The following HSF2 variants were observed in gnomAD, a reference collection of about 807,000 sequenced individuals.
The protein encoded by HSF2 is heat shock factor protein 2.
HSF2 carries 21 observed loss-of-function variants against 65.0 expected under a neutral mutation model. The observed-to-expected ratio is 0.32, with a 90% CI of 0.23 to 0.47. HSF2 has a LOEUF of 0.47. HSF2 is among the 20% of genes least tolerant of loss of function. HSF2 has a pLI of 1.00. For missense variants in HSF2, 499 were observed against 628.1 expected (o/e 0.79, Z 2.20); for synonymous variants, 225 against 219.1 (o/e 1.03, Z -0.24).
At chr6:122,420,074 G>A in intron 6 of HSF2, 61 bp from the exon 7 acceptor site, 1 of 1,525,786 alleles carries the variant, frequency 6.6e-7, no homozygotes. Context: ...TAAGTTAATA[G>A]AGGGAGTTTA....
chr6:122,432,408 G>A lies in HSF2; in HGVS notation c.*188G>A. On this transcript the variant is annotated 3_prime_UTR_variant, in exon 13 of 13. Coordinates refer to ENST00000368455, the MANE Select transcript of HSF2 (RefSeq NM_004506.4). ...CAGAGCTTTCAGGTGTTACTCAGCT[G>A]CATAGTTACGCAGATGTAATGCACA... 1.8e-6 allele frequency: 1 copy of A among 546,934 alleles called. No individual in the cohort carries two copies. The highest frequency in any genetic ancestry group is 3.2e-6 in the Non-Finnish European group (1 of 309,298). The allele number at this position is 546,934 out of a possible 1,614,324, so 33.9% of individuals were successfully genotyped here.
Position 122,412,838 on chromosome 6 carries a change from G to A in HSF2, c.330+74G>A, listed in dbSNP as rs142075842. 1.4e-5 allele frequency: 19 copies of A among 1,401,066 alleles called. No homozygotes were observed. In the African/African-American group the frequency reaches 2.0e-4, roughly 15 times the overall value. 86.8% of individuals were successfully genotyped at this position (1,401,066 alleles called of 1,614,324 possible). ...CTTGGCCAAGATTTTTATTTCAGCT[G>A]TTGAAAGTACAGAAATGCACAACTG... On this transcript the variant is annotated intron_variant, in intron 3 of 12. Coordinates refer to ENST00000368455, the MANE Select transcript of HSF2 (RefSeq NM_004506.4).
intron 1 of HSF2, among the ~76,000 whole-genome samples, chr6:122,401,568 C>T (rs946769718): frequency 1.3e-5 from 2 of 152,054 alleles, no homozygotes; most frequent in Non-Finnish European, 2.9e-5. Context: ...CGTACTGATC[C>T]GTAAATGCAT....
Position 122,432,388 on chromosome 6 carries a change from C to T in HSF2, c.*168C>T, listed in dbSNP as rs1774494838. The T allele has an allele frequency of 3.4e-6, 2 of 589,534 alleles. No homozygotes were observed. Among genetic ancestry groups the T allele is most frequent in the Non-Finnish European group, 3.0e-6 (1 of 336,196 alleles). 36.5% of individuals were successfully genotyped at this position (589,534 alleles called of 1,614,324 possible). On this transcript the variant is annotated 3_prime_UTR_variant, in exon 13 of 13. Coordinates refer to ENST00000368455, the MANE Select transcript of HSF2 (RefSeq NM_004506.4). Reference sequence around the variant, plus strand: ...TCACTAACCACACACTCTTGCAGAGCTTTCAGGTGTTACTCAGCTGCATAG... The same window carrying T: ...TCACTAACCACACACTCTTGCAGAGTTTTCAGGTGTTACTCAGCTGCATAG...
chr6:122,399,627 G>A (rs1773663542), upstream of HSF2: 4 of 866,300 alleles, frequency 4.6e-6, no homozygotes, highest in African/African-American at 5.1e-5. Flanking sequence ...CGGGGACCAA[G>A]ATCTGCTGCG....
intron 11 of HSF2, 83 bp downstream of exon 11, chr6:122,428,039 C>G (rs1774377090): frequency 1.3e-6 from 1 of 778,094 alleles, no homozygotes; most frequent in Non-Finnish European, 2.1e-6. Context: ...CAATGTCACT[C>G]CCAGCCACAA....
chr6:122,424,238 T>A (rs1774295879), intron 10 of HSF2, among the ~76,000 whole-genome samples: 1 of 152,124 alleles, frequency 6.6e-6, no homozygotes, highest in African/African-American at 2.4e-5. Flanking sequence ...ATCTACCGTT[T>A]CTGCCACTAA....
chr6:122,428,868 A>T (rs1774395183), intron 11 of HSF2, among the ~76,000 whole-genome samples: 1 of 152,052 alleles, frequency 6.6e-6, no homozygotes, highest in Non-Finnish European at 1.5e-5. Flanking sequence ...AAAATTTGTG[A>T]ATTTGTGAAA....
At chr6:122,425,592 G>T (rs1774321537) in intron 10 of HSF2, among the ~76,000 whole-genome samples, 1 of 151,996 alleles carries the variant, frequency 6.6e-6, no homozygotes, top group East Asian at 1.9e-4. Flanking sequence ...CTGTACAATA[G>T]AACTTTTATT....
In HSF2 at chr6:122,399,771, A is replaced by C; in HGVS notation, c.34A>C (p.Ser12Arg). ...GAGTTCGAACGTGCCGGCTTTCCTC[A>C]GCAAGCTGTGGACGCTTGTGGAGGA... ...KQSSNVPAFLSKLWTLVEETH... is the reference protein window; with the variant it reads ...KQSSNVPAFLRKLWTLVEETH... The change falls in exon 1 of 13, where the codon AGC becomes CGC. Residue 12 changes from serine (S) to arginine (R), a missense_variant. Ser to Arg is a moderately radical substitution (Grantham distance 110). This residue lies in a region of HSF2 where 150 missense variants were observed against 234.6 expected (regional missense o/e 0.64). Coordinates refer to ENST00000368455, the MANE Select transcript of HSF2 (RefSeq NM_004506.4). 2 of 1,612,594 alleles carry C rather than the reference A, an allele frequency of 1.2e-6. No individual in the cohort carries two copies. The highest frequency in any genetic ancestry group is 1.1e-5 in the South Asian group (1 of 90,850).
chr6:122,400,185 T>G (rs1229088950), intron 1 of HSF2, among the ~76,000 whole-genome samples: 1 of 152,048 alleles, frequency 6.6e-6, no homozygotes, highest in South Asian at 2.1e-4. Flanking sequence ...ACACTCATCC[T>G]CCGTCCTCCC....
chr6:122,422,270 A>G lies in HSF2; in HGVS notation c.802A>G (p.Asn268Asp). 1 of 1,599,336 alleles carries G rather than the reference A, an allele frequency of 6.3e-7. No homozygotes were observed. The highest frequency in any genetic ancestry group is 8.6e-7 in the Non-Finnish European group (1 of 1,167,472). ...EENIPVIPETNEDVISDPSNC... is the reference protein window; with the variant it reads ...EENIPVIPETDEDVISDPSNC... ...AAATATCCCAGTTATTCCAGAAACT[A>G]ATGAGGATGTTATATCTGATCCCTC... is the stretch of plus-strand genomic sequence containing the variant. Residue 268 changes from asparagine to aspartate, a missense_variant, in exon 8 of 13, where the codon AAT becomes GAT. Coordinates refer to ENST00000368455, the MANE Select transcript of HSF2 (RefSeq NM_004506.4).
intron 3 of HSF2, 30 bp from the exon 4 acceptor site, chr6:122,413,494 TC>T (rs1429305741): frequency 3.3e-6 from 5 of 1,496,690 alleles, no homozygotes; most frequent in Non-Finnish European, 4.6e-6. Flanking sequence ...GTTTACTGTT[TC>T]TTTGATTTTC....
intron 10 of HSF2, among the ~76,000 whole-genome samples, chr6:122,425,128 C>T (rs1774312837): frequency 6.6e-6 from 1 of 152,000 alleles, no homozygotes. Flanking sequence ...TAGAGATCTG[C>T]TCCATCTTAA....
intron 7 of HSF2, 160 bp downstream of exon 7, chr6:122,420,382 A>T: frequency 1.8e-6 from 1 of 564,100 alleles, no homozygotes; most frequent in Middle Eastern, 4.9e-4. Flanking sequence ...GCTTTAGATT[A>T]TTGTAAGAAA....
chr6:122,421,244 T>C (rs1029642393), intron 7 of HSF2, among the ~76,000 whole-genome samples: 10 of 152,080 alleles, frequency 6.6e-5, no homozygotes, highest in African/African-American at 2.4e-4. Context: ...CAGTCCAAAG[T>C]CCAGATCTTT....
intron 1 of HSF2, among the ~76,000 whole-genome samples, chr6:122,408,768 C>A (rs115987500): frequency 0.013 from 1,928 of 151,616 alleles, 47 homozygotes; most frequent in African/African-American, 0.045. Context: ...TCATGGCATT[C>A]TGGCTTTGTT....
chr6:122,416,368 CT>C, intron 5 of HSF2, 72 bp downstream of exon 5: 2 of 910,588 alleles, frequency 2.2e-6, no homozygotes, highest in Non-Finnish European at 3.6e-6. Context: ...CCAAAAAGGT[CT>C]TTATTGAGTG....
intron 5 of HSF2, 58 bp from the exon 6 acceptor site, chr6:122,419,109 TA>T: frequency 1.3e-6 from 1 of 793,858 alleles, no homozygotes; most frequent in Non-Finnish European, 2.1e-6. Flanking sequence ...TAAGACTTGG[TA>T]ATAGAGACAA....
Sources: allele counts gnomAD v4.1 joint callset (sites outside exome capture counted in the v4.1 genomes callset), GRCh38; gene constraint gnomAD v4.1.1; regional missense constraint gnomAD v4.1.1; transcripts MANE v1.5; gene names NCBI Gene and HGNC (gene_info 2026-07-23, HGNC 2026-07-21).